TRPC7: variants seen among roughly 807,000 people sequenced by gnomAD.
The protein encoded by TRPC7 is short transient receptor potential channel 7.
A neutral mutation model predicts 90.1 loss-of-function variants in TRPC7; 42 were observed. That is an observed-to-expected ratio of 0.47 (90% CI 0.36 to 0.60). The LOEUF is 0.60. Ranked by LOEUF, TRPC7 falls within the 20% of genes least tolerant of loss-of-function variation. TRPC7 has a pLI of 0.00. For synonymous variants in TRPC7, 451 were observed against 436.3 expected, an observed-to-expected ratio of 1.03 and a Z score of -0.42; for missense variants, 955 against 1,112.3, an observed-to-expected ratio of 0.86 and a Z score of 2.01.
chr5:136,335,764 C>T (rs1759638236), intron 2 of TRPC7, among the ~76,000 whole-genome samples: 1 of 151,590 alleles, frequency 6.6e-6, no homozygotes, highest in Admixed American at 6.6e-5. Flanking sequence ...ATTAGCCAGG[C>T]GTGGTGGCGG....
At chr5:136,231,325 A>G (rs1755806164) in intron 8 of TRPC7, 29 bp downstream of exon 8, 2 of 1,553,014 alleles carry the variant, frequency 1.3e-6, no homozygotes, top group African/African-American at 2.7e-5. Context: ...GATGAAGGAG[A>G]GCAAGCATTT....
chr5:136,248,879 C>G lies in TRPC7; in HGVS notation c.1580-1144G>C, dbSNP rs75414790. Among the ~76,000 whole-genome samples the G allele has an allele frequency of 8.2e-3, 1,244 of 152,280 alleles. 15 individuals are homozygous for G. The highest frequency in any genetic ancestry group is 0.021 in the African/African-American group (877 of 41,552). ...CACTTCTCTCATGGAGGATGTGTGG[C>G]GGTGTCTCTGGTTGTCAAAGTGACT... On this transcript the variant is annotated intron_variant, in intron 6 of 11. Coordinates refer to ENST00000513104, the MANE Select transcript of TRPC7 (RefSeq NM_020389.3).
At chr5:136,287,018 A>T (rs1757740996) in intron 3 of TRPC7, among the ~76,000 whole-genome samples, 1 of 152,130 alleles carries the variant, frequency 6.6e-6, no homozygotes, top group Admixed American at 6.5e-5. Context: ...TCAGACACAC[A>T]AATCTGTTCT....
intron 2 of TRPC7, among the ~76,000 whole-genome samples, chr5:136,348,520 C>T (rs1490604592): frequency 6.6e-6 from 1 of 152,164 alleles, no homozygotes; most frequent in Non-Finnish European, 1.5e-5. Context: ...AATTGTAATG[C>T]TGTGTTTATT....
intron 4 of TRPC7, among the ~76,000 whole-genome samples, chr5:136,266,805 G>C (rs187893141): frequency 6.6e-6 from 1 of 152,236 alleles, no homozygotes; most frequent in East Asian, 1.9e-4. Flanking sequence ...CTCGGTTTTT[G>C]TTTAATCTAC....
intron 3 of TRPC7, among the ~76,000 whole-genome samples, chr5:136,304,139 T>C (rs62385829): frequency 0.63 from 95,119 of 151,038 alleles, 30,495 homozygotes; most frequent in African/African-American, 0.77. Context: ...ATCTCATTGC[T>C]GCCCTTCTTC....
intron 3 of TRPC7, among the ~76,000 whole-genome samples, chr5:136,298,550 T>A (rs546148267): frequency 6.6e-6 from 1 of 152,166 alleles, no homozygotes; most frequent in East Asian, 1.9e-4. Flanking sequence ...CTCCAGAAAT[T>A]CCCCAAAGCC....
chr5:136,326,077 A>C (rs1415426266), intron 2 of TRPC7, among the ~76,000 whole-genome samples: 1 of 152,226 alleles, frequency 6.6e-6, no homozygotes. Context: ...GGCAGCTGGT[A>C]AGAACTGAAA....
intron 2 of TRPC7, among the ~76,000 whole-genome samples, chr5:136,335,775 G>GCGC (rs572390860): frequency 7.4e-4 from 113 of 151,804 alleles, no homozygotes; most frequent in African/African-American, 2.6e-3. Flanking sequence ...GTGGTGGCGG[G>GCGC]CGCCTGTAGT....
At chr5:136,308,525 G>C (rs952927513) in intron 3 of TRPC7, among the ~76,000 whole-genome samples, 3 of 152,184 alleles carry the variant, frequency 2.0e-5, no homozygotes, top group African/African-American at 7.2e-5. Flanking sequence ...TGTCTGACTG[G>C]CCTCTCAGAC....
chr5:136,226,807 A>G (rs1473470468), intron 8 of TRPC7, among the ~76,000 whole-genome samples: 1 of 152,258 alleles, frequency 6.6e-6, no homozygotes, highest in Non-Finnish European at 1.5e-5. Context: ...TAGATCAAAA[A>G]TATCATTTCA....
At position 136,265,333 on chromosome 5, in the gene TRPC7, T is replaced by G. The variant is rs145808576; in HGVS notation, c.1345+887A>C. Among the ~76,000 whole-genome samples, 939 of 152,348 alleles carry G rather than the reference T, an allele frequency of 6.2e-3. 9 individuals carry two copies. The highest frequency in any genetic ancestry group is 0.021 in the African/African-American group (861 of 41,578). ...TTTTGTCTTTTTTATCTTCTGTTTT[T>G]CTTGTTTTACTGAAAATATTCCCAT... On this transcript the variant is annotated intron_variant, in intron 5 of 11. Transcript: ENST00000513104.
intron 3 of TRPC7, among the ~76,000 whole-genome samples, chr5:136,299,518 A>T (rs975360108): frequency 5.3e-5 from 8 of 152,128 alleles, no homozygotes; most frequent in African/African-American, 1.4e-4. Flanking sequence ...TTTCAACTAC[A>T]ATTATACTTA....
intron 8 of TRPC7, among the ~76,000 whole-genome samples, chr5:136,227,380 C>T (rs1755660674): frequency 6.6e-6 from 1 of 152,132 alleles, no homozygotes; most frequent in South Asian, 2.1e-4. Flanking sequence ...CCTCACATAG[C>T]CCTGAGGTCG....
intron 5 of TRPC7, among the ~76,000 whole-genome samples, chr5:136,256,567 G>T (rs1242127322): frequency 7.0e-6 from 1 of 142,012 alleles, no homozygotes; most frequent in East Asian, 2.4e-4. Flanking sequence ...TTGCACCCCT[G>T]ACTCTTCTGG....
intron 3 of TRPC7, among the ~76,000 whole-genome samples, chr5:136,280,639 G>T (rs538775172): frequency 1.8e-4 from 28 of 152,296 alleles, no homozygotes; most frequent in African/African-American, 6.5e-4. Flanking sequence ...TCATCTTCTT[G>T]TGTAGGAAAA....
At chr5:136,257,040 A>C (rs1756707767) in intron 5 of TRPC7, among the ~76,000 whole-genome samples, 1 of 152,242 alleles carries the variant, frequency 6.6e-6, no homozygotes, top group Non-Finnish European at 1.5e-5. Flanking sequence ...TGACTTGCTC[A>C]CAGGCCCACA....
intron 3 of TRPC7, among the ~76,000 whole-genome samples, chr5:136,312,248 C>T (rs191339464): frequency 2.3e-4 from 35 of 152,256 alleles, no homozygotes; most frequent in African/African-American, 5.8e-4. Flanking sequence ...GTCCTCATAA[C>T]GCCTTTGGTA....
chr5:136,346,085 T>A (rs1296454355), intron 2 of TRPC7, among the ~76,000 whole-genome samples: 1 of 152,092 alleles, frequency 6.6e-6, no homozygotes, highest in Admixed American at 6.5e-5. Flanking sequence ...CGAGGCCTGT[T>A]GTGGGGTGGA....
Sources: gnomAD v4.1 joint callset for allele counts (sites outside exome capture counted in the v4.1 genomes callset) on GRCh38, gnomAD v4.1.1 for gene constraint, MANE v1.5 for transcripts, NCBI Gene and HGNC (gene_info 2026-07-23, HGNC 2026-07-21) for gene names.